Variants in CNOT4 observed in about 807,000 individuals in gnomAD.
CNOT4 encodes the protein CCR4-associated factor 4.
Under a neutral mutation model 73.8 loss-of-function variants are expected in CNOT4, and 8 were observed. That is an observed-to-expected ratio of 0.11 (90% CI 0.06 to 0.20). The LOEUF is 0.20. Among genes scored for constraint, CNOT4 ranks in the 10% least tolerant of loss-of-function variants. The pLI, the probability that CNOT4 is intolerant of heterozygous loss-of-function variation, is 1.00. For missense variants in CNOT4, 564 were observed against 883.4 expected, an observed-to-expected ratio of 0.64 and a Z score of 4.58; for synonymous variants, 293 against 321.1, an observed-to-expected ratio of 0.91 and a Z score of 0.94.
chr7:135,462,064 T>TAA lies in CNOT4; in HGVS notation c.-92-23643_-92-23642dup, dbSNP rs201086263. ...TCACTTTATATTTCCTATTCCCTTA[T>TAA]AAAAAAAAATCACTTGAAGCAAACA... is the stretch of plus-strand genomic sequence containing the variant. On this transcript the variant is annotated intron_variant, in intron 1 of 11. Coordinates refer to ENST00000541284, the MANE Select transcript of CNOT4 (RefSeq NM_001190850.2). Among the ~76,000 whole-genome samples the TAA allele has an allele frequency of 2.1e-5, 3 of 144,414 alleles. No homozygotes were observed. The East Asian group carries it at 6.0e-4, about 29-fold the overall frequency. The allele number at this position is 144,414 out of a possible 152,430, so 94.7% of individuals were successfully genotyped here.
intron 7 of CNOT4, among the ~76,000 whole-genome samples, chr7:135,406,582 G>A (rs1434427896): frequency 1.3e-5 from 2 of 152,096 alleles, no homozygotes; most frequent in African/African-American, 2.4e-5. Context: ...GATCGTTTGA[G>A]CCTGGGAGGT....
intron 8 of CNOT4, among the ~76,000 whole-genome samples, chr7:135,397,893 C>G (rs1360882078): frequency 6.6e-6 from 1 of 151,994 alleles, no homozygotes; most frequent in East Asian, 1.9e-4. Flanking sequence ...AGCCTGGGAC[C>G]ATTTGGCACA....
At position 135,503,039 on chromosome 7, in the gene CNOT4, G is replaced by C. The variant is rs920186738; in HGVS notation, c.-93+6850C>G. Among the ~76,000 whole-genome samples the C allele has an allele frequency of 2.0e-4, 31 of 151,698 alleles. 1 individual carries two copies. Among genetic ancestry groups the C allele is most frequent in the African/African-American group, 5.3e-4 (22 of 41,258 alleles). On this transcript the variant is annotated intron_variant, in intron 1 of 11. Coordinates refer to ENST00000541284, the MANE Select transcript of CNOT4 (RefSeq NM_001190850.2). ...ATGGTGGCACACGCCTGTAGTTCTA[G>C]CTACTTGGGAGACTGAGGCAGGAGA...
At chr7:135,411,166 G>C (rs1797569581) in intron 6 of CNOT4, among the ~76,000 whole-genome samples, 2 of 151,978 alleles carry the variant, frequency 1.3e-5, no homozygotes, top group Non-Finnish European at 2.9e-5. Context: ...AAACTTCCAT[G>C]AATTAGTTTT....
chr7:135,423,333 T>C (rs894216820), intron 2 of CNOT4, among the ~76,000 whole-genome samples: 2 of 131,322 alleles, frequency 1.5e-5, no homozygotes, highest in African/African-American at 5.8e-5. Context: ...AATACAAGAG[T>C]GGGGAACAAC....
At chr7:135,498,034 A>C (rs1267971871) in intron 1 of CNOT4, among the ~76,000 whole-genome samples, 1 of 152,216 alleles carries the variant, frequency 6.6e-6, no homozygotes, top group Non-Finnish European at 1.5e-5. Flanking sequence ...TATTCCACAC[A>C]ACAATCCTGG....
chr7:135,494,429 C>T (rs964210678), intron 1 of CNOT4, among the ~76,000 whole-genome samples: 1 of 143,884 alleles, frequency 7.0e-6, no homozygotes, highest in African/African-American at 2.6e-5. Context: ...GAGATCGCGC[C>T]ATTGCACTAC....
chr7:135,374,322 G>A (rs1009808634), intron 10 of CNOT4, among the ~76,000 whole-genome samples: 2 of 152,100 alleles, frequency 1.3e-5, no homozygotes, highest in African/African-American at 4.8e-5. Flanking sequence ...CTTTGGATAG[G>A]CTTCCTAGGA....
rs1563083442 is a variant in CNOT4 at position 135,495,687 on chromosome 7, AAAAAAAGAAAGAAAGAAAGAAAG to A, written c.-93+14179_-93+14201del. 8.7e-3 allele frequency among the ~76,000 whole-genome samples: 573 copies of A among 65,644 alleles called. 51 individuals are homozygous for A. Among genetic ancestry groups the A allele is most frequent in the East Asian group, 0.027 (41 of 1,522 alleles). 43.1% of individuals were successfully genotyped at this position (65,644 alleles called of 152,430 possible). Reference sequence around the variant, plus strand: ...CCTGTGTCAAAAAAAAAAAAAAAAAAAAAAAAGAAAGAAAGAAAGAAAGAAAGAAAGAAAGAAAGAAAGAAAGA... The same window carrying A: ...CCTGTGTCAAAAAAAAAAAAAAAAAAAAAGAAAGAAAGAAAGAAAGAAAGA... On this transcript the variant is annotated intron_variant, in intron 1 of 11. Transcript: ENST00000541284.
intron 1 of CNOT4, among the ~76,000 whole-genome samples, chr7:135,474,425 C>A (rs1801857489): frequency 6.6e-6 from 1 of 151,956 alleles, no homozygotes; most frequent in Non-Finnish European, 1.5e-5. Context: ...GCTAGAACTA[C>A]AGGTGGGTGC....
At chr7:135,421,517 G>A (rs1357358675) in intron 3 of CNOT4, among the ~76,000 whole-genome samples, 1 of 152,098 alleles carries the variant, frequency 6.6e-6, no homozygotes, top group Non-Finnish European at 1.5e-5. Flanking sequence ...GTATGAGTTC[G>A]ACATTACTCT....
chr7:135,407,396 TG>T (rs1331607631), intron 7 of CNOT4, among the ~76,000 whole-genome samples: 1 of 152,090 alleles, frequency 6.6e-6, no homozygotes, highest in African/African-American at 2.4e-5. Flanking sequence ...TCTCAATAAA[TG>T]AGGAATAACA....
At chr7:135,375,960 A>G (rs566370214) in intron 10 of CNOT4, among the ~76,000 whole-genome samples, 7 of 151,260 alleles carry the variant, frequency 4.6e-5, no homozygotes, top group African/African-American at 7.3e-5. Flanking sequence ...GTGTGTGTGT[A>G]TGTGTGTACA....
At chr7:135,446,537 C>A (rs555034700) in intron 1 of CNOT4, among the ~76,000 whole-genome samples, 5 of 151,988 alleles carry the variant, frequency 3.3e-5, no homozygotes, top group Non-Finnish European at 7.4e-5. Flanking sequence ...ATTTAATTAA[C>A]CCTTTAATTT....
At chr7:135,396,525 G>A (rs1796701826) in intron 8 of CNOT4, among the ~76,000 whole-genome samples, 1 of 152,064 alleles carries the variant, frequency 6.6e-6, no homozygotes, top group Non-Finnish European at 1.5e-5. Context: ...ACTTTCCAGA[G>A]GCCAAACACA....
intron 1 of CNOT4, among the ~76,000 whole-genome samples, chr7:135,439,293 T>C (rs1002245076): frequency 6.6e-6 from 1 of 152,126 alleles, no homozygotes; most frequent in Admixed American, 6.5e-5. Context: ...TTTTACATAA[T>C]TGGACAAACT....
At chr7:135,470,604 T>C (rs576871897) in intron 1 of CNOT4, among the ~76,000 whole-genome samples, 1 of 150,030 alleles carries the variant, frequency 6.7e-6, no homozygotes, top group South Asian at 2.1e-4. Flanking sequence ...TCCATCAACA[T>C]GTAAATGAAT....
intron 1 of CNOT4, among the ~76,000 whole-genome samples, chr7:135,459,235 C>T (rs1800727917): frequency 6.6e-6 from 1 of 151,916 alleles, no homozygotes; most frequent in Non-Finnish European, 1.5e-5. Flanking sequence ...TAGGTCTCAA[C>T]AGCGGGCTTA....
At chr7:135,437,318 T>C (rs1585641754) in intron 2 of CNOT4, among the ~76,000 whole-genome samples, 1 of 152,238 alleles carries the variant, frequency 6.6e-6, no homozygotes, top group East Asian at 1.9e-4. Flanking sequence ...GCCTCCCAAG[T>C]AGCTGGGACT....
Sources: gnomAD v4.1 joint callset for allele counts (sites outside exome capture counted in the v4.1 genomes callset) on GRCh38, gnomAD v4.1.1 for gene constraint, MANE v1.5 for transcripts, NCBI Gene and HGNC (gene_info 2026-07-23, HGNC 2026-07-21) for gene names.